SLC25A46: variants seen among roughly 807,000 people sequenced by gnomAD.
SLC25A46 encodes mitochondrial outer membrane protein SLC25A46.
Under a neutral mutation model 44.6 loss-of-function variants are expected in SLC25A46, and 39 were observed. That is an observed-to-expected ratio of 0.87 (90% CI 0.68 to 1.14). The LOEUF is 1.14. SLC25A46 is among the 50% of genes most tolerant of loss of function. SLC25A46 has a pLI of 0.00. For synonymous variants in SLC25A46, 202 were observed against 185.8 expected, an observed-to-expected ratio of 1.09 and a Z score of -0.71; for missense variants, 547 against 522.7, an observed-to-expected ratio of 1.05 and a Z score of -0.45.
chr5:110,756,211 A>T (rs1800107120), intron 6 of SLC25A46: 1 of 151,926 alleles, frequency 6.6e-6, no homozygotes, highest in Non-Finnish European at 1.5e-5. Flanking sequence ...TGGTGATAGG[A>T]AACAACTTTG....
chr5:110,755,392 G>C, intron 5 of SLC25A46, 73 bp from the exon 6 acceptor site: 1 of 910,202 alleles, frequency 1.1e-6, no homozygotes, highest in South Asian at 1.6e-5. Flanking sequence ...TTACTGTTTT[G>C]AAAATTGGGC....
rs115367783 is a variant in SLC25A46, at chr5:110,747,821, T to C, written c.463-342T>C. On this transcript the variant is annotated intron_variant, in intron 4 of 7. Coordinates refer to ENST00000355943, the MANE Select transcript of SLC25A46 (RefSeq NM_138773.4). ...GGAAATACAGCAGAGAAGGAAAGAATTGGTGTGGTATGAGTGAGTATGATT... is the reference window on the plus strand; with the variant it reads ...GGAAATACAGCAGAGAAGGAAAGAACTGGTGTGGTATGAGTGAGTATGATT... Among the ~76,000 whole-genome samples the C allele has an allele frequency of 0.014, 2,076 of 152,144 alleles. 34 individuals carry two copies. The highest frequency in any genetic ancestry group is 0.019 in the Non-Finnish European group (1,301 of 67,960).
rs1800322922 is a variant in SLC25A46, at chr5:110,763,892, A to G, written c.*2110A>G. 6.6e-6 allele frequency: 1 copy of G among 151,888 alleles called. No individual in the cohort carries two copies. The highest frequency in any genetic ancestry group is 1.5e-5 in the Non-Finnish European group (1 of 67,856). 9.4% of individuals were successfully genotyped at this position (151,888 alleles called of 1,614,324 possible). On this transcript the variant is annotated 3_prime_UTR_variant, in exon 8 of 8. Transcript: ENST00000355943. ...TTACAACCACTCCAAATTAGTTGAA[A>G]CAAAATCTTGAACGGTCACGCACTT...
intron 1 of SLC25A46, among the ~76,000 whole-genome samples, chr5:110,739,814 C>T (rs901853994): frequency 2.6e-5 from 4 of 152,144 alleles, no homozygotes; most frequent in African/African-American, 9.7e-5. Flanking sequence ...TCAGCATAAG[C>T]ATACTTGGGT....
chr5:110,739,568 T>G (rs1453083621), intron 1 of SLC25A46, among the ~76,000 whole-genome samples, 166 bp downstream of exon 1: 9 of 152,168 alleles, frequency 5.9e-5, no homozygotes, highest in African/African-American at 1.7e-4. Context: ...GAGGCTGGCC[T>G]CCTCTTCCTC....
At chr5:110,739,478 G>C in intron 1 of SLC25A46, 76 bp downstream of exon 1, 1 of 1,480,904 alleles carries the variant, frequency 6.8e-7, no homozygotes, top group Non-Finnish European at 8.9e-7. Flanking sequence ...CCCCGGAAGC[G>C]GCGCAGAGGA....
Position 110,764,279 on chromosome 5 carries a change from T to C in SLC25A46, c.*2497T>C, listed in dbSNP as rs1489847868. 1 of 151,850 alleles carries C rather than the reference T, an allele frequency of 6.6e-6. No homozygotes were observed. The highest frequency in any genetic ancestry group is 2.4e-5 in the African/African-American group (1 of 41,394). The allele number at this position is 151,850 out of a possible 1,614,324, so 9.4% of individuals were successfully genotyped here. ...AACTGGTAAATATTAATTTACTATG[T>C]AAAGTGAACTTACGAATTAACTTAC... On this transcript the variant is annotated 3_prime_UTR_variant, in exon 8 of 8. Transcript: ENST00000355943.
intron 1 of SLC25A46, among the ~76,000 whole-genome samples, chr5:110,739,721 C>T (rs537469846): frequency 6.6e-6 from 1 of 152,334 alleles, no homozygotes; most frequent in Non-Finnish European, 1.5e-5. Flanking sequence ...TTCCCTGATT[C>T]ACTTTGGCAG....
rs1292628213 is a variant in SLC25A46, at chr5:110,763,740, A to T, written c.*1958A>T. 6.6e-6 allele frequency: 1 copy of T among 151,908 alleles called. No homozygotes were observed. The highest frequency in any genetic ancestry group is 1.9e-4 in the East Asian group (1 of 5,182). 9.4% of individuals were successfully genotyped at this position (151,908 alleles called of 1,614,324 possible). ...TAGTTACATAAATTCATTTTATTGT[A>T]GAATAATTATAAGACTGATAGGCTG... On this transcript the variant is annotated 3_prime_UTR_variant, in exon 8 of 8. Transcript: ENST00000355943.
At chr5:110,742,588 G>T (rs536406791) in intron 2 of SLC25A46, among the ~76,000 whole-genome samples, 3 of 151,826 alleles carry the variant, frequency 2.0e-5, no homozygotes, top group Non-Finnish European at 4.4e-5. Context: ...TTAATATTGT[G>T]TATTATATAT....
Position 110,762,246 on chromosome 5 carries a change from G to A in SLC25A46, c.*464G>A, listed in dbSNP as rs981767365. ...TTTTACCTTTAAGCAAATAAATTAT[G>A]TCATTATTGAAAAAGACTTAAGGGA... On this transcript the variant is annotated 3_prime_UTR_variant, in exon 8 of 8. Coordinates refer to ENST00000355943, the MANE Select transcript of SLC25A46 (RefSeq NM_138773.4). 1.2e-4 allele frequency: 19 copies of A among 154,060 alleles called. No individual in the cohort carries two copies. Among genetic ancestry groups the A allele is most frequent in the African/African-American group, 4.4e-4 (18 of 41,364 alleles). The allele number at this position is 154,060 out of a possible 1,614,324, so 9.5% of individuals were successfully genotyped here.
rs572110119 is a variant in SLC25A46, at chr5:110,762,427, A to G, written c.*645A>G. The G allele has an allele frequency of 2.2e-4, 34 of 151,900 alleles. No homozygotes were observed. The highest frequency in any genetic ancestry group is 7.7e-4 in the African/African-American group (32 of 41,470). The allele number at this position is 151,900 out of a possible 1,614,324, so 9.4% of individuals were successfully genotyped here. A position where few individuals can be genotyped will look rare whatever the true frequency, so the allele number is the denominator to read the frequency against. ...TCCTTCATCCCTACACATTTTCTAC[A>G]CTTACATCACCTTATTGCATAAAAC... On this transcript the variant is annotated 3_prime_UTR_variant, in exon 8 of 8. Coordinates refer to ENST00000355943, the MANE Select transcript of SLC25A46 (RefSeq NM_138773.4).
In SLC25A46 at chr5:110,742,077, T is replaced by G. The variant is rs375056013; in HGVS notation, c.314T>G (p.Ile105Ser). The G allele has an allele frequency of 2.5e-6, 4 of 1,575,330 alleles. No individual in the cohort carries two copies. Among genetic ancestry groups the G allele is most frequent in the Non-Finnish European group, 3.4e-6 (4 of 1,160,604 alleles). ...EQLNRFAGFG[I>S]GLASLFTENV... Reference sequence around the variant, plus strand: ...CTGAATAGATTTGCTGGATTTGGTATTGGACTTGCAAGGTAATGTTTTATC... The same window carrying G: ...CTGAATAGATTTGCTGGATTTGGTAGTGGACTTGCAAGGTAATGTTTTATC... Residue 105 changes from isoleucine to serine, a missense_variant, in exon 2 of 8, where the codon ATT becomes AGT. Ile to Ser is a moderately radical substitution (Grantham distance 142). Coordinates refer to ENST00000355943, the MANE Select transcript of SLC25A46 (RefSeq NM_138773.4).
intron 5 of SLC25A46, chr5:110,753,173 T>C (rs536717864): frequency 2.6e-5 from 4 of 152,146 alleles, no homozygotes; most frequent in Admixed American, 6.6e-5. Context: ...CAAAACCAAT[T>C]TGAAGTGGGT....
intron 1 of SLC25A46, 192 bp from the exon 2 acceptor site, chr5:110,741,855 C>T (rs1385060723): frequency 2.5e-5 from 13 of 509,916 alleles, no homozygotes; most frequent in Non-Finnish European, 4.5e-5. Flanking sequence ...TGCAATTTGC[C>T]ACAGACCCCA....
At chr5:110,741,939 C>A in intron 1 of SLC25A46, 108 bp from the exon 2 acceptor site, 3 of 714,896 alleles carry the variant, frequency 4.2e-6, no homozygotes, top group South Asian at 1.8e-5. Context: ...AAATGAACAG[C>A]AGGTTAATAA....
intron 5 of SLC25A46, among the ~76,000 whole-genome samples, chr5:110,751,729 T>C (rs1267706134): frequency 6.6e-6 from 1 of 152,162 alleles, no homozygotes; most frequent in East Asian, 1.9e-4. Flanking sequence ...CAGGGTGGTA[T>C]CTTTTGAGAT....
chr5:110,761,646 A>G lies in SLC25A46; in HGVS notation c.1121A>G (p.Asn374Ser). Residue 374 changes from asparagine to serine, a missense_variant, in exon 8 of 8, where the codon AAT becomes AGT. Physicochemically the swap from Asn to Ser is conservative, Grantham distance 46. Coordinates refer to ENST00000355943, the MANE Select transcript of SLC25A46 (RefSeq NM_138773.4). The surrounding 1 kb of genome is among the most constrained non-coding windows in gnomAD (Gnocchi z 5.3). Reference sequence around the variant, plus strand: ...TATGAGGGAATGAGAGACTGTATCAATACCATAAGGCAGGAGGAAGGAGTG... The same window carrying G: ...TATGAGGGAATGAGAGACTGTATCAGTACCATAAGGCAGGAGGAAGGAGTG... ...TQYEGMRDCI[N>S]TIRQEEGVFG... 6.2e-7 allele frequency: 1 copy of G among 1,613,716 alleles called. No individual in the cohort carries two copies. Among genetic ancestry groups the G allele is most frequent in the Non-Finnish European group, 8.5e-7 (1 of 1,179,758 alleles).
chr5:110,753,955 A>T (rs1309949525), intron 5 of SLC25A46: 1 of 152,190 alleles, frequency 6.6e-6, no homozygotes, highest in Non-Finnish European at 1.5e-5. Context: ...ATAATCATAA[A>T]GTAACTTTCA....
Sources: allele counts gnomAD v4.1 joint callset (sites outside exome capture counted in the v4.1 genomes callset), GRCh38; gene constraint gnomAD v4.1.1; non-coding constraint Gnocchi (gnomAD v3.1); transcripts MANE v1.5; gene names NCBI Gene and HGNC (gene_info 2026-07-23, HGNC 2026-07-21).